The following SLC71A1 variants were observed in gnomAD, a reference collection of about 807,000 sequenced individuals.
The protein encoded by SLC71A1 is hippocampus abundant gene transcript 1.
the SLC71A1 span, among the ~76,000 whole-genome samples, chr1:100,076,520 C>T: frequency 6.6e-6 from 1 of 152,132 alleles, no homozygotes; most frequent in African/African-American, 2.4e-5. Flanking sequence ...TCATTTAATT[C>T]CCATGACAAG....
the SLC71A1 span, chr1:100,068,667 T>A: frequency 1.2e-6 from 1 of 849,626 alleles, no homozygotes; most frequent in Non-Finnish European, 1.9e-6. Flanking sequence ...GAGAGAACTG[T>A]AATAGAAGTG....
chr1:100,040,308 A>G, the SLC71A1 span, among the ~76,000 whole-genome samples: 2 of 149,416 alleles, frequency 1.3e-5, no homozygotes, highest in African/African-American at 2.6e-5. Context: ...TTCAATAAAT[A>G]TCAGGGGAAT....
the SLC71A1 span, among the ~76,000 whole-genome samples, chr1:100,042,041 T>C: frequency 6.6e-6 from 1 of 152,230 alleles, no homozygotes; most frequent in Admixed American, 6.5e-5. Context: ...AGAATTCTGT[T>C]TTGTTTTATT....
At chr1:100,076,624 T>G in the SLC71A1 span, among the ~76,000 whole-genome samples, 1 of 152,234 alleles carries the variant, frequency 6.6e-6, no homozygotes, top group Non-Finnish European at 1.5e-5. Context: ...AAGCCAAGAT[T>G]ATGATCCAGG....
At chr1:100,073,299 A>G in the SLC71A1 span, among the ~76,000 whole-genome samples, 10 of 152,210 alleles carry the variant, frequency 6.6e-5, no homozygotes, top group Non-Finnish European at 1.2e-4. Flanking sequence ...TTGGCAGAGT[A>G]ATTTTTGTAA....
chr1:100,072,198 T>G, the SLC71A1 span, among the ~76,000 whole-genome samples: 1,091 of 152,352 alleles, frequency 7.2e-3, 11 homozygotes, highest in African/African-American at 0.025. Context: ...TGTCCCCTGT[T>G]GACCTTCCAT....
chr1:100,038,272 A>C, the SLC71A1 span: 1 of 1,561,540 alleles, frequency 6.4e-7, no homozygotes, highest in Non-Finnish European at 8.7e-7. Flanking sequence ...CGCGAACCGC[A>C]GTATCATGCT....
chr1:100,046,607 A>G, the SLC71A1 span, among the ~76,000 whole-genome samples: 64 of 152,308 alleles, frequency 4.2e-4, no homozygotes, highest in South Asian at 3.9e-3. Context: ...ATTTAAAAGA[A>G]AAAATTCTGT....
chr1:100,065,760 T>G, the SLC71A1 span, among the ~76,000 whole-genome samples: 1 of 151,324 alleles, frequency 6.6e-6, no homozygotes, highest in Non-Finnish European at 1.5e-5. Context: ...CCCTTTCCCC[T>G]TTTCCTTTCT....
the SLC71A1 span, among the ~76,000 whole-genome samples, chr1:100,040,803 C>G: frequency 1.3e-5 from 2 of 152,094 alleles, no homozygotes; most frequent in Non-Finnish European, 1.5e-5. Flanking sequence ...ATTTGATACT[C>G]TGTTGTTGTG....
chr1:100,082,615 T>G, the SLC71A1 span: 1 of 156,764 alleles, frequency 6.4e-6, no homozygotes. Context: ...TTTAACATTG[T>G]AAAATTTTGA....
chr1:100,079,933 C>T, the SLC71A1 span: 1 of 152,084 alleles, frequency 6.6e-6, no homozygotes, highest in East Asian at 1.9e-4. Context: ...AATCACAGCA[C>T]TTTGGTAGGC....
the SLC71A1 span, among the ~76,000 whole-genome samples, chr1:100,054,137 G>T: frequency 6.6e-6 from 1 of 151,310 alleles, no homozygotes; most frequent in East Asian, 1.9e-4. Flanking sequence ...CACCGCCAAG[G>T]TTCAAGAGAT....
chr1:100,042,755 G>A, the SLC71A1 span, among the ~76,000 whole-genome samples: 1 of 152,064 alleles, frequency 6.6e-6, no homozygotes, highest in African/African-American at 2.4e-5. Flanking sequence ...TTACAGGCAT[G>A]TGCCATCATG....
the SLC71A1 span, among the ~76,000 whole-genome samples, chr1:100,052,071 T>C: frequency 6.6e-6 from 1 of 152,182 alleles, no homozygotes; most frequent in Non-Finnish European, 1.5e-5. Context: ...TTTTGGGGAA[T>C]GCAGGTAGTA....
At chr1:100,077,006 T>C in the SLC71A1 span, among the ~76,000 whole-genome samples, 3 of 152,206 alleles carry the variant, frequency 2.0e-5, no homozygotes, top group Non-Finnish European at 4.4e-5. Context: ...TTTCATCTGC[T>C]TATGTGACCT....
chr1:100,047,232 T>C, the SLC71A1 span, among the ~76,000 whole-genome samples: 7 of 152,340 alleles, frequency 4.6e-5, no homozygotes, highest in African/African-American at 1.4e-4. Flanking sequence ...GTATGTTCCT[T>C]CTATACCATT....
the SLC71A1 span, chr1:100,081,979 C>T: frequency 5.1e-6 from 8 of 1,570,178 alleles, no homozygotes; most frequent in South Asian, 7.8e-5. Context: ...GTGTAAAAAT[C>T]CTAATTACTT....
chr1:100,073,176 G>A, the SLC71A1 span, among the ~76,000 whole-genome samples: 1 of 152,060 alleles, frequency 6.6e-6, no homozygotes, highest in African/African-American at 2.4e-5. Flanking sequence ...AATATATCTT[G>A]AATCAGAGCG....
Sources: allele counts gnomAD v4.1 joint callset (sites outside exome capture counted in the v4.1 genomes callset), GRCh38; gene constraint gnomAD v4.1.1; transcripts MANE v1.5; gene names NCBI Gene and HGNC (gene_info 2026-07-23, HGNC 2026-07-21).